Variants in DGKI observed in about 807,000 individuals in gnomAD.
The protein encoded by DGKI is diacylglycerol kinase iota, also known as DAG kinase iota.
Under a neutral mutation model 147.5 loss-of-function variants are expected in DGKI, and 55 were observed. The observed-to-expected ratio is 0.37, with a 90% CI of 0.30 to 0.47. The LOEUF (loss-of-function observed/expected upper bound fraction) is 0.47, where lower values mean the gene tolerates loss of function less well. DGKI is among the 20% of genes least tolerant of loss of function. DGKI has a pLI of 1.00. For synonymous variants in DGKI, 469 were observed against 477.1 expected, an observed-to-expected ratio of 0.98 and a Z score of 0.22; for missense variants, 1,007 against 1,323.8, an observed-to-expected ratio of 0.76 and a Z score of 3.71.
rs758902149 is a variant in DGKI, at chr7:137,638,525, TAC to T, written c.804+6945_804+6946del. On this transcript the variant is annotated intron_variant, in intron 6 of 32. Coordinates refer to ENST00000614521, the MANE Select transcript of DGKI (RefSeq NM_001321708.2). ...ATGTATATATATGTGTGTATATATATACACACACATATATGTATATATATGTG... is the reference window on the plus strand; with the variant it reads ...ATGTATATATATGTGTGTATATATATACACACATATATGTATATATATGTG... 4.9e-3 allele frequency among the ~76,000 whole-genome samples: 517 copies of T among 105,570 alleles called. 27 individuals are homozygous for T. Among genetic ancestry groups the T allele is most frequent in the African/African-American group, 0.018 (443 of 24,348 alleles). 69.3% of individuals were successfully genotyped at this position (105,570 alleles called of 152,430 possible).
intron 21 of DGKI, among the ~76,000 whole-genome samples, chr7:137,497,037 A>C (rs537106228): frequency 6.6e-6 from 1 of 152,290 alleles, no homozygotes; most frequent in South Asian, 2.1e-4. Flanking sequence ...AGAATGGAAG[A>C]AAATATTTGC....
chr7:137,708,077 C>A (rs569517240), intron 1 of DGKI, among the ~76,000 whole-genome samples: 1 of 152,252 alleles, frequency 6.6e-6, no homozygotes, highest in South Asian at 2.1e-4. Context: ...TGAAGTAAAC[C>A]CCAACTTGTG....
chr7:137,638,483 T>TATATACACAC (rs1309998311), intron 6 of DGKI, among the ~76,000 whole-genome samples: 1 of 126,778 alleles, frequency 7.9e-6, no homozygotes, highest in Admixed American at 7.8e-5. Context: ...TGTGTGTATA[T>TATATACACAC]ATATACACAC....
intron 19 of DGKI, among the ~76,000 whole-genome samples, chr7:137,554,469 G>A (rs1390261567): frequency 6.6e-6 from 1 of 152,150 alleles, no homozygotes; most frequent in Non-Finnish European, 1.5e-5. Context: ...TCTGTGACTT[G>A]AGAGGAAAAC....
chr7:137,746,751 G>A (rs1056360280), intron 1 of DGKI, among the ~76,000 whole-genome samples: 1 of 150,004 alleles, frequency 6.7e-6, no homozygotes, highest in Non-Finnish European at 1.5e-5. Context: ...AACCCACCTG[G>A]TATCAGGTGT....
At chr7:137,394,885 C>T (rs1323959369) in intron 32 of DGKI, among the ~76,000 whole-genome samples, 1 of 152,178 alleles carries the variant, frequency 6.6e-6, no homozygotes, top group African/African-American at 2.4e-5. Context: ...GCTGATACAA[C>T]ACTGGGCTGG....
At chr7:137,577,162 A>G (rs1032849151) in intron 17 of DGKI, 60 bp downstream of exon 17, 3 of 1,195,432 alleles carry the variant, frequency 2.5e-6, no homozygotes, top group Non-Finnish European at 3.6e-6. Context: ...AGTATTTGGG[A>G]GTTTTTTGTG....
chr7:137,446,125 A>T (rs1813706090), intron 27 of DGKI, among the ~76,000 whole-genome samples: 5 of 152,234 alleles, frequency 3.3e-5, no homozygotes, highest in African/African-American at 9.6e-5. Flanking sequence ...TTCATGCCAA[A>T]GGACAACTAA....
At position 137,497,119 on chromosome 7, in the gene DGKI, A is replaced by G. The variant is rs755641261; in HGVS notation, c.2249-9430T>C. ...CTTAAACAAATTTACAAAAAAAAAA[A>G]AAGTGGGCAAAAGACATGAACAGAC... On this transcript the variant is annotated intron_variant, in intron 21 of 32. Coordinates refer to ENST00000614521, the MANE Select transcript of DGKI (RefSeq NM_001321708.2). Among the ~76,000 whole-genome samples, 550 of 151,968 alleles carry G rather than the reference A, an allele frequency of 3.6e-3. 3 individuals are homozygous for G. Among genetic ancestry groups the G allele is most frequent in the Non-Finnish European group, 6.0e-3 (407 of 67,822 alleles).
chr7:137,528,454 CA>C (rs1405064230), intron 20 of DGKI, among the ~76,000 whole-genome samples: 2 of 152,158 alleles, frequency 1.3e-5, no homozygotes, highest in African/African-American at 2.4e-5. Context: ...ACATTAGCAG[CA>C]ATCAGTCATG....
At chr7:137,796,065 C>CA (rs1481981153) in intron 1 of DGKI, among the ~76,000 whole-genome samples, 2 of 152,146 alleles carry the variant, frequency 1.3e-5, no homozygotes, top group Non-Finnish European at 2.9e-5. Context: ...ATTACTTTAA[C>CA]AGTCCAGTTT....
rs193053881 is a variant in DGKI, at chr7:137,707,426, T to A, written c.402-17424A>T. On this transcript the variant is annotated intron_variant, in intron 1 of 32. Transcript: ENST00000614521. ...GCTCTCCCAGCACTGACCATTGATA[T>A]GTCTGGATCTGTGTTCATATCCAAA... Among the ~76,000 whole-genome samples the A allele has an allele frequency of 2.0e-5, 3 of 152,358 alleles. No homozygotes were observed. The East Asian group carries it at 5.8e-4, about 29-fold the overall frequency.
chr7:137,685,242 A>T (rs1823376220), intron 2 of DGKI, among the ~76,000 whole-genome samples: 1 of 152,336 alleles, frequency 6.6e-6, no homozygotes, highest in African/African-American at 2.4e-5. Context: ...TTGGGACCGA[A>T]GAAAGTTTGC....
intron 2 of DGKI, among the ~76,000 whole-genome samples, chr7:137,688,066 G>A (rs1031222922): frequency 6.6e-6 from 1 of 152,114 alleles, no homozygotes; most frequent in Non-Finnish European, 1.5e-5. Context: ...CCAAGCTCTG[G>A]CTCAGGCAGG....
At chr7:137,633,245 A>C (rs1821197291) in intron 6 of DGKI, among the ~76,000 whole-genome samples, 1 of 150,794 alleles carries the variant, frequency 6.6e-6, no homozygotes, top group Non-Finnish European at 1.5e-5. Flanking sequence ...CAGGAGTCCT[A>C]GACCAGGGCT....
intron 1 of DGKI, among the ~76,000 whole-genome samples, chr7:137,831,599 C>T (rs965823667): frequency 1.3e-5 from 2 of 152,222 alleles, no homozygotes; most frequent in African/African-American, 4.8e-5. Flanking sequence ...CATTCCACAA[C>T]ATGTGGGAGT....
intron 1 of DGKI, among the ~76,000 whole-genome samples, chr7:137,706,556 T>A (rs1013343984): frequency 2.1e-4 from 31 of 150,118 alleles, no homozygotes; most frequent in African/African-American, 7.0e-4. Flanking sequence ...TTTATCTATT[T>A]TTTATTTTTT....
At chr7:137,517,853 T>C (rs1816834955) in intron 21 of DGKI, among the ~76,000 whole-genome samples, 1 of 152,138 alleles carries the variant, frequency 6.6e-6, no homozygotes, top group African/African-American at 2.4e-5. Flanking sequence ...TATCTTGTCA[T>C]TACAGCAGAT....
At chr7:137,640,642 A>G (rs1821591796) in intron 6 of DGKI, among the ~76,000 whole-genome samples, 1 of 152,208 alleles carries the variant, frequency 6.6e-6, no homozygotes, top group African/African-American at 2.4e-5. Context: ...ATAAGGGGAC[A>G]TTCCTGAAAG....
Sources: gnomAD v4.1 joint callset for allele counts (sites outside exome capture counted in the v4.1 genomes callset) on GRCh38, gnomAD v4.1.1 for gene constraint, MANE v1.5 for transcripts, NCBI Gene and HGNC (gene_info 2026-07-23, HGNC 2026-07-21) for gene names.